The following ZNF835 variants were observed in gnomAD, a reference collection of about 807,000 sequenced individuals.
ZNF835 encodes zinc finger protein 835.
For missense variants in ZNF835, 783 were observed against 758.4 expected, an observed-to-expected ratio of 1.03 and a Z score of -0.38; for synonymous variants, 323 against 324.7, an observed-to-expected ratio of 0.99 and a Z score of 0.06.
intron 1 of ZNF835, among the ~76,000 whole-genome samples, chr19:56,668,891 C>T (rs1048249555): frequency 2.6e-5 from 4 of 152,018 alleles, no homozygotes; most frequent in Non-Finnish European, 5.9e-5. Context: ...TGCAGGGGTA[C>T]CCACCTCGTG....
intron 1 of ZNF835, among the ~76,000 whole-genome samples, chr19:56,669,066 A>G (rs536392068): frequency 6.6e-6 from 1 of 152,298 alleles, no homozygotes; most frequent in African/African-American, 2.4e-5. Flanking sequence ...CCAACAACCA[A>G]GTCTCCAATC....
chr19:56,663,178 A>AAG lies in ZNF835; in HGVS notation c.*406_*407insCT. 1 of 188,936 alleles carries AAG rather than the reference A, an allele frequency of 5.3e-6. No homozygotes were observed. 11.7% of individuals were successfully genotyped at this position (188,936 alleles called of 1,614,324 possible). On this transcript the variant is annotated 3_prime_UTR_variant, in exon 2 of 2. Coordinates refer to ENST00000537055, the MANE Select transcript of ZNF835 (RefSeq NM_001005850.3). ...TCCGTCTCAGAAAAAAAAAAAAAAA[A>AAG]AAATTAGCCAGACTCCTGTAATTTT...
chr19:56,663,397 T>C lies in ZNF835; in HGVS notation c.*188A>G. On this transcript the variant is annotated 3_prime_UTR_variant, in exon 2 of 2. Transcript: ENST00000537055. Reference sequence around the variant, plus strand: ...CTTGCCCGTGCCCCATTTATAATTTTGCACCAGGAAGACCGCAGGGGAGTC... The same window carrying C: ...CTTGCCCGTGCCCCATTTATAATTTCGCACCAGGAAGACCGCAGGGGAGTC... The C allele has an allele frequency of 1.4e-6, 1 of 739,542 alleles. No homozygotes were observed. Among genetic ancestry groups the C allele is most frequent in the Non-Finnish European group, 2.2e-6 (1 of 462,310 alleles). The allele number at this position is 739,542 out of a possible 1,614,324, so 45.8% of individuals were successfully genotyped here.
At chr19:56,667,454 C>T (rs866103568) in intron 1 of ZNF835, among the ~76,000 whole-genome samples, 6 of 152,332 alleles carry the variant, frequency 3.9e-5, no homozygotes, top group Middle Eastern at 3.4e-3. Flanking sequence ...CTCTGAGGCT[C>T]TGCCTGGTTT....
At chr19:56,665,318 G>C in intron 1 of ZNF835, 73 bp from the exon 2 acceptor site, 1 of 1,303,166 alleles carries the variant, frequency 7.7e-7, no homozygotes, top group Non-Finnish European at 1.1e-6. Flanking sequence ...GCTAACAGCT[G>C]AACTGGTAAG....
chr19:56,669,235 G>A (rs1432365648), intron 1 of ZNF835, among the ~76,000 whole-genome samples: 1 of 152,164 alleles, frequency 6.6e-6, no homozygotes, highest in East Asian at 1.9e-4. Flanking sequence ...ACAGCCAGAT[G>A]GAAGACACAC....
rs1398977624 is a variant in ZNF835 at position 56,662,537 on chromosome 19, G to T, written c.*1048C>A. The T allele has an allele frequency of 6.6e-6, 1 of 152,232 alleles. No individual in the cohort carries two copies. Among genetic ancestry groups the T allele is most frequent in the Admixed American group, 6.5e-5 (1 of 15,280 alleles). 9.4% of individuals were successfully genotyped at this position (152,232 alleles called of 1,614,324 possible). Reference sequence around the variant, plus strand: ...AGAGGAGAAGCACTCCCTTCTTCTAGAATAACTTTCAGCTCTAGATTTCTC... The same window carrying T: ...AGAGGAGAAGCACTCCCTTCTTCTATAATAACTTTCAGCTCTAGATTTCTC... On this transcript the variant is annotated 3_prime_UTR_variant, in exon 2 of 2. Transcript: ENST00000537055.
intron 1 of ZNF835, among the ~76,000 whole-genome samples, chr19:56,667,149 C>T (rs2045253523): frequency 6.6e-6 from 1 of 152,210 alleles, no homozygotes; most frequent in South Asian, 2.1e-4. Flanking sequence ...TTTAGAAAGC[C>T]ATAACAGAAG....
In ZNF835 at chr19:56,664,485, T is replaced by A. The variant is rs372217009; in HGVS notation, c.714A>T (p.Ile238=). The change falls in exon 2 of 2, where the codon ATA becomes ATT. Residue 238 remains isoleucine, a synonymous_variant. Transcript: ENST00000537055. ...AKAFRNRSSL[I]EHQRIHTGEK... ...CACCGGTGTGGATGCGCTGGTGCTCTATCAGGGACGAGCGGTTGCGGAACG... is the reference window on the plus strand; with the variant it reads ...CACCGGTGTGGATGCGCTGGTGCTCAATCAGGGACGAGCGGTTGCGGAACG... 1 of 1,588,526 alleles carries A rather than the reference T, an allele frequency of 6.3e-7. No individual in the cohort carries two copies. Among genetic ancestry groups the A allele is most frequent in the Non-Finnish European group, 8.6e-7 (1 of 1,168,994 alleles).
chr19:56,667,136 T>C (rs1284231954), intron 1 of ZNF835, among the ~76,000 whole-genome samples: 1 of 152,200 alleles, frequency 6.6e-6, no homozygotes, highest in African/African-American at 2.4e-5. Context: ...GAAGTCACTG[T>C]TTTTTAGAAA....
chr19:56,664,066 A>G lies in ZNF835; in HGVS notation c.1133T>C (p.Leu378Pro). The G allele has an allele frequency of 6.2e-7, 1 of 1,608,794 alleles. No homozygotes were observed. Among genetic ancestry groups the G allele is most frequent in the African/African-American group, 1.3e-5 (1 of 74,088 alleles). ...GKRFSNRSHL[L>P]QHRLVHTGER... ...ACCGGTGTGCACGAGGCGGTGCTGGAGGAGGTGGGAGCGGTTGCTGAAGCG... is the reference window on the plus strand; with the variant it reads ...ACCGGTGTGCACGAGGCGGTGCTGGGGGAGGTGGGAGCGGTTGCTGAAGCG... Residue 378 changes from leucine (L) to proline (P), a missense_variant, in exon 2 of 2, where the codon CTC becomes CCC. Leu to Pro is a moderately conservative substitution (Grantham distance 98, BLOSUM62 -3). Transcript: ENST00000537055.
chr19:56,666,986 G>A (rs1237151004), intron 1 of ZNF835, among the ~76,000 whole-genome samples: 2 of 152,200 alleles, frequency 1.3e-5, no homozygotes, highest in Admixed American at 6.5e-5. Context: ...GAGCTGCCCA[G>A]GGTCTCCCAG....
rs771974959 is a variant in ZNF835, at chr19:56,664,796, C to T, written c.403G>A (p.Glu135Lys). Residue 135 changes from glutamate (E) to lysine (K), a missense_variant, in exon 2 of 2, where the codon GAG becomes AAG. By Grantham distance (56) the Glu-to-Lys change is moderately conservative. Coordinates refer to ENST00000537055, the MANE Select transcript of ZNF835 (RefSeq NM_001005850.3). Reference protein sequence around the residue: ...FILHQRIHTGEKPFACPECGK... With the variant: ...FILHQRIHTGKKPFACPECGK... ...CACTCGGGGCACGCAAATGGCTTCT[C>T]CCCGGTGTGGATTCTCTGGTGTAAG... The T allele has an allele frequency of 2.5e-6, 4 of 1,611,316 alleles. No individual in the cohort carries two copies. Among genetic ancestry groups the T allele is most frequent in the East Asian group, 4.5e-5 (2 of 44,824 alleles).
In ZNF835 at chr19:56,664,861, C is replaced by G; in HGVS notation, c.338G>C (p.Gly113Ala). 6.2e-7 allele frequency: 1 copy of G among 1,613,912 alleles called. No homozygotes were observed. Among genetic ancestry groups the G allele is most frequent in the South Asian group, 1.1e-5 (1 of 91,090 alleles). Residue 113 changes from glycine to alanine, a missense_variant, in exon 2 of 2, where the codon GGG (glycine) becomes GCG (alanine). By Grantham distance (60) the Gly-to-Ala change is moderately conservative (BLOSUM62 0). Coordinates refer to ENST00000537055, the MANE Select transcript of ZNF835 (RefSeq NM_001005850.3). ...GGGPKKPWKC[G>A]DCGKAFSYCS... ...GTAGCTGAAGGCCTTCCCGCAGTCC[C>G]CGCATTTCCACGGCTTCTTGGGGCC...
chr19:56,663,918 G>A lies in ZNF835; in HGVS notation c.1281C>T (p.Phe427=). The change falls in exon 2 of 2, where the codon TTC becomes TTT. Residue 427 remains phenylalanine (F), a synonymous_variant. Coordinates refer to ENST00000537055, the MANE Select transcript of ZNF835 (RefSeq NM_001005850.3). ...PYKCGECGKA[F]SQGSSLALHQ... ...GCAGGGCGAGCGAGGAGCCCTGGCT[G>A]AAAGCTTTGCCGCACTCGCCGCACT... 6.2e-7 allele frequency: 1 copy of A among 1,612,668 alleles called. No individual in the cohort carries two copies. Among genetic ancestry groups the A allele is most frequent in the African/African-American group, 1.3e-5 (1 of 74,976 alleles).
chr19:56,665,421 T>C (rs1308416780), intron 1 of ZNF835, 176 bp from the exon 2 acceptor site: 2 of 758,872 alleles, frequency 2.6e-6, no homozygotes, highest in Admixed American at 1.7e-5. Flanking sequence ...TTGTGAGATG[T>C]TGAGCAGCGT....
rs200667231 is a variant in ZNF835 at position 56,664,109 on chromosome 19, A to G, written c.1090T>C (p.Cys364Arg). 306 of 1,599,746 alleles carry G rather than the reference A, an allele frequency of 1.9e-4. 1 individual carries two copies. In the African/African-American group the frequency reaches 3.8e-3, roughly 20 times the overall value. The change falls in exon 2 of 2, where the codon TGC becomes CGC. Residue 364 changes from cysteine (C) to arginine (R), a missense_variant. Cys to Arg is a radical substitution (Grantham distance 180). Coordinates refer to ENST00000537055, the MANE Select transcript of ZNF835 (RefSeq NM_001005850.3). ...CTGAAGCGCTTGCCGCAGTCGTGGC[A>G]GGGGTAAGGCCGCTCTCCGGTGTGC... ...RTHTGERPYP[C>R]HDCGKRFSNR...
At position 56,671,587 on chromosome 19, in the gene ZNF835, C is replaced by T. The variant is rs2045294122; in HGVS notation, c.-59G>A. The stretch of plus-strand genomic sequence containing the variant: ...CGCACACTACACACCGTTGCTCTCG[C>T]CTCCCGGTATCACCTTCGAACGCGC... On this transcript the variant is annotated 5_prime_UTR_variant, in exon 1 of 2. Transcript: ENST00000537055. 1 of 152,540 alleles carries T rather than the reference C, an allele frequency of 6.6e-6. No homozygotes were observed. 9.4% of individuals were successfully genotyped at this position (152,540 alleles called of 1,614,324 possible). A position where few individuals can be genotyped will look rare whatever the true frequency, so the allele number is the denominator to read the frequency against.
chr19:56,665,185 A>G lies in ZNF835; in HGVS notation c.14T>C (p.Leu5Ser), dbSNP rs1201072667. MEGL[L>S]SVALQGAELE... The stretch of plus-strand genomic sequence containing the variant: ...CTCTGCGCCCTGGAGGGCGACGCTC[A>G]AGAGTCCCTCCATCCTCGATCCCTG... The change falls in exon 2 of 2, where the codon TTG becomes TCG. Residue 5 changes from leucine to serine, a missense_variant. Transcript: ENST00000537055. 6.2e-7 allele frequency: 1 copy of G among 1,614,004 alleles called. No individual in the cohort carries two copies. The highest frequency in any genetic ancestry group is 2.2e-5 in the East Asian group (1 of 44,874).
Sources: gnomAD v4.1 joint callset for allele counts (sites outside exome capture counted in the v4.1 genomes callset) on GRCh38, gnomAD v4.1.1 for gene constraint, MANE v1.5 for transcripts, NCBI Gene and HGNC (gene_info 2026-07-23, HGNC 2026-07-21) for gene names.